Variants in TRIO observed in about 807,000 individuals in gnomAD.
TRIO encodes the protein triple functional domain protein.
A neutral mutation model predicts 351.9 loss-of-function variants in TRIO; 58 were observed. The observed-to-expected ratio is 0.16, with a 90% CI of 0.13 to 0.21. The LOEUF is 0.21. Among genes scored for constraint, TRIO ranks in the 10% least tolerant of loss-of-function variants. The pLI, the probability that TRIO is intolerant of heterozygous loss-of-function variation, is 1.00. For synonymous variants in TRIO, 1,758 were observed against 1,595.7 expected (o/e 1.10, Z -2.42); for missense variants, 3,201 against 4,027.8 (o/e 0.79, Z 5.56).
At chr5:14,363,180 G>C (rs1249940530) in intron 13 of TRIO, among the ~76,000 whole-genome samples, 3 of 151,658 alleles carry the variant, frequency 2.0e-5, no homozygotes, top group Admixed American at 2.0e-4. Context: ...TGTATTTTTT[G>C]GTAGAGATGG....
At chr5:14,452,649 C>G (rs1752925284) in intron 34 of TRIO, among the ~76,000 whole-genome samples, 1 of 152,202 alleles carries the variant, frequency 6.6e-6, no homozygotes, top group Admixed American at 6.5e-5. Flanking sequence ...CCTGGTGCTT[C>G]CATGCTGGTG....
intron 1 of TRIO, among the ~76,000 whole-genome samples, chr5:14,197,791 G>T (rs985146534): frequency 1.3e-5 from 2 of 152,152 alleles, no homozygotes; most frequent in Non-Finnish European, 2.9e-5. Context: ...ACTTGCAGAA[G>T]GCCAGTTGTG....
chr5:14,470,110 T>C (rs1467958355), intron 37 of TRIO, among the ~76,000 whole-genome samples: 1 of 152,220 alleles, frequency 6.6e-6, no homozygotes, highest in Non-Finnish European at 1.5e-5. Context: ...ATTTTTCAGA[T>C]CAAACTCTGT....
chr5:14,184,015 T>A lies in TRIO; in HGVS notation c.157+40133T>A, dbSNP rs921063169. 8.6e-6 allele frequency: 6 copies of A among 695,746 alleles called. No individual in the cohort carries two copies. In the African/African-American group the frequency reaches 1.0e-4, roughly 12 times the overall value. The allele number at this position is 695,746 out of a possible 1,614,324, so 43.1% of individuals were successfully genotyped here. On this transcript the variant is annotated intron_variant, in intron 1 of 56. Coordinates refer to ENST00000344204, the MANE Select transcript of TRIO (RefSeq NM_007118.4). ...CAGTTCTTATTTTGGCTCTCTGATGTGTGGCTCGAGGGTTTCTCTAGGAGG... is the reference window on the plus strand; with the variant it reads ...CAGTTCTTATTTTGGCTCTCTGATGAGTGGCTCGAGGGTTTCTCTAGGAGG...
At chr5:14,354,053 A>G (rs1743388834) in intron 11 of TRIO, among the ~76,000 whole-genome samples, 1 of 152,110 alleles carries the variant, frequency 6.6e-6, no homozygotes, top group Non-Finnish European at 1.5e-5. Context: ...GAGTCAGGGG[A>G]CAGGCTGCTG....
At chr5:14,461,378 T>TTGC in intron 35 of TRIO, 67 bp downstream of exon 35, 1 of 1,436,890 alleles carries the variant, frequency 7.0e-7, no homozygotes, top group South Asian at 1.5e-5. Context: ...GCAAGAATAG[T>TTGC]TGCTGATCTT....
intron 34 of TRIO, among the ~76,000 whole-genome samples, chr5:14,453,714 T>A (rs1408246602): frequency 6.6e-6 from 1 of 152,198 alleles, no homozygotes; most frequent in Non-Finnish European, 1.5e-5. Context: ...CCCTTATGGA[T>A]CATCCATCTG....
chr5:14,364,864 A>G (rs1004628743), intron 15 of TRIO, 48 bp downstream of exon 15: 5 of 1,559,010 alleles, frequency 3.2e-6, no homozygotes, highest in Non-Finnish European at 4.3e-6. Context: ...CAGATGCTTG[A>G]TACCTCATCG....
chr5:14,298,927 G>A (rs909435214), intron 7 of TRIO, among the ~76,000 whole-genome samples: 1 of 152,166 alleles, frequency 6.6e-6, no homozygotes, highest in Non-Finnish European at 1.5e-5. Context: ...GATCCTTATC[G>A]TTGTACAAAG....
At chr5:14,212,745 A>T (rs906267309) in intron 1 of TRIO, among the ~76,000 whole-genome samples, 5 of 152,214 alleles carry the variant, frequency 3.3e-5, no homozygotes, top group African/African-American at 7.2e-5. Flanking sequence ...GATTATAGCC[A>T]GGAAGTTAGG....
At chr5:14,345,016 A>G (rs1412157448) in intron 11 of TRIO, among the ~76,000 whole-genome samples, 1 of 152,260 alleles carries the variant, frequency 6.6e-6, no homozygotes, top group Non-Finnish European at 1.5e-5. Context: ...AAACATGTAT[A>G]AAGCATTTGT....
At chr5:14,321,443 G>A (rs368326989) in intron 9 of TRIO, among the ~76,000 whole-genome samples, 1 of 152,252 alleles carries the variant, frequency 6.6e-6, no homozygotes, top group Non-Finnish European at 1.5e-5. Context: ...AGGGCTGTGT[G>A]TGACTTCTGA....
intron 9 of TRIO, among the ~76,000 whole-genome samples, chr5:14,324,323 C>T (rs1340898459): frequency 2.0e-5 from 3 of 152,126 alleles, no homozygotes; most frequent in Non-Finnish European, 2.9e-5. Context: ...AGCTTATTTT[C>T]ATTTTTGTGT....
chr5:14,369,553 C>T, intron 18 of TRIO, 30 bp downstream of exon 18: 1 of 1,580,648 alleles, frequency 6.3e-7, no homozygotes. Flanking sequence ...ACAGTGCACC[C>T]ATCAGAGGCT....
chr5:14,466,026 A>G (rs1230490664), intron 37 of TRIO: 2 of 253,698 alleles, frequency 7.9e-6, no homozygotes, highest in Non-Finnish European at 1.6e-5. Flanking sequence ...GTTTGGGCTC[A>G]GACGCATATG....
At chr5:14,301,839 A>G (rs906463340) in intron 7 of TRIO, among the ~76,000 whole-genome samples, 4 of 152,142 alleles carry the variant, frequency 2.6e-5, no homozygotes, top group African/African-American at 4.8e-5. Flanking sequence ...TTGGAAAACA[A>G]TCAGGCCTAG....
At position 14,509,162 on chromosome 5, in the gene TRIO, C is replaced by G. The variant is rs1284237629; in HGVS notation, c.*740C>G. The G allele has an allele frequency of 3.9e-6, 1 of 255,240 alleles. No individual in the cohort carries two copies. The highest frequency in any genetic ancestry group is 2.4e-5 in the African/African-American group (1 of 42,278). The allele number at this position is 255,240 out of a possible 1,614,324, so 15.8% of individuals were successfully genotyped here. A position where few individuals can be genotyped will look rare whatever the true frequency, so the allele number is the denominator to read the frequency against. The stretch of plus-strand genomic sequence containing the variant: ...TGGGTCCTGCCCCACTGCCCCTCCC[C>G]CTGTTCCTGCCCCAAGCCGTCAATC... On this transcript the variant is annotated 3_prime_UTR_variant, in exon 57 of 57. Coordinates refer to ENST00000344204, the MANE Select transcript of TRIO (RefSeq NM_007118.4).
chr5:14,154,111 C>T (rs2152117241), intron 1 of TRIO, among the ~76,000 whole-genome samples: 1 of 152,300 alleles, frequency 6.6e-6, no homozygotes, highest in African/African-American at 2.4e-5. Context: ...CCCCGGCTCA[C>T]AGTCTGGGGA....
chr5:14,398,723 G>A (rs1487238238), intron 29 of TRIO, among the ~76,000 whole-genome samples, 157 bp from the exon 30 acceptor site: 1 of 152,230 alleles, frequency 6.6e-6, no homozygotes, highest in Non-Finnish European at 1.5e-5. Context: ...TCTGTAGGAT[G>A]GGTCAGTGGC....
Sources: allele counts gnomAD v4.1 joint callset (sites outside exome capture counted in the v4.1 genomes callset), GRCh38; gene constraint gnomAD v4.1.1; transcripts MANE v1.5; gene names NCBI Gene and HGNC (gene_info 2026-07-23, HGNC 2026-07-21).